RBMS3: variants seen among roughly 807,000 people sequenced by gnomAD.
The protein encoded by RBMS3 is RNA-binding motif, single-stranded-interacting protein 3.
In RBMS3, 27 loss-of-function variants were observed where a neutral mutation model predicts 66.8. The ratio of observed to expected loss-of-function variants is 0.40; its 90% CI spans 0.30 to 0.56. The LOEUF (loss-of-function observed/expected upper bound fraction) is 0.56. RBMS3 is among the 20% of genes least tolerant of loss of function. The pLI is 0.40. For missense variants in RBMS3, 513 were observed against 549.5 expected, an observed-to-expected ratio of 0.93 and a Z score of 0.66; for synonymous variants, 188 against 183.0, an observed-to-expected ratio of 1.03 and a Z score of -0.22.
intron 1 of RBMS3, among the ~76,000 whole-genome samples, chr3:29,393,085 T>G (rs1289316888): frequency 2.0e-5 from 3 of 152,196 alleles, no homozygotes; most frequent in African/African-American, 7.2e-5. Flanking sequence ...AAAACTACAC[T>G]GCAAAGTACC....
At chr3:29,942,200 T>C (rs919260803) in intron 11 of RBMS3, among the ~76,000 whole-genome samples, 1 of 151,568 alleles carries the variant, frequency 6.6e-6, no homozygotes, top group Non-Finnish European at 1.5e-5. Context: ...TGGGAAAAAG[T>C]TTATTTATAA....
chr3:29,736,511 C>G (rs190410523), intron 4 of RBMS3, among the ~76,000 whole-genome samples: 72 of 152,110 alleles, frequency 4.7e-4, no homozygotes, highest in African/African-American at 1.5e-3. Flanking sequence ...TGTACAGTAC[C>G]CTGAGACAAT....
chr3:29,627,288 C>CTCTCTCTCT (rs1296924512), intron 4 of RBMS3, among the ~76,000 whole-genome samples: 2 of 96,544 alleles, frequency 2.1e-5, no homozygotes, highest in African/African-American at 4.1e-5. Flanking sequence ...TCTCTCTCTT[C>CTCTCTCTCT]TCTCTCTCTC....
At chr3:29,293,741 C>T (rs1319403009) in intron 1 of RBMS3, among the ~76,000 whole-genome samples, 1 of 151,438 alleles carries the variant, frequency 6.6e-6, no homozygotes, top group Non-Finnish European at 1.5e-5. Flanking sequence ...GTAGCTTCTA[C>T]TCCTGTAGCC....
intron 3 of RBMS3, among the ~76,000 whole-genome samples, chr3:29,552,507 C>T (rs1025859988): frequency 7.2e-5 from 11 of 152,016 alleles, no homozygotes; most frequent in African/African-American, 9.7e-5. Context: ...TCAGAGGAAG[C>T]GTTATATTTC....
chr3:29,932,030 A>T (rs555538753), intron 10 of RBMS3, among the ~76,000 whole-genome samples: 1 of 152,158 alleles, frequency 6.6e-6, no homozygotes. Context: ...CACTTATCCA[A>T]ATAATTTTAT....
chr3:29,459,913 C>T (rs1310433985), intron 2 of RBMS3, among the ~76,000 whole-genome samples: 1 of 152,160 alleles, frequency 6.6e-6, no homozygotes, highest in Non-Finnish European at 1.5e-5. Flanking sequence ...AAACAATTTG[C>T]TAAAGCTTGA....
chr3:29,922,450 G>A (rs1559802889), intron 10 of RBMS3, among the ~76,000 whole-genome samples: 1 of 143,460 alleles, frequency 7.0e-6, no homozygotes, highest in East Asian at 2.0e-4. Flanking sequence ...TTGCGCCACT[G>A]CAGTCCGCAG....
At chr3:29,312,072 G>A (rs1050387609) in intron 1 of RBMS3, among the ~76,000 whole-genome samples, 6 of 151,740 alleles carry the variant, frequency 4.0e-5, no homozygotes, top group Admixed American at 1.3e-4. Flanking sequence ...GAGGCCTAAC[G>A]CTGGTTAGTA....
intron 10 of RBMS3, among the ~76,000 whole-genome samples, chr3:29,928,281 G>A (rs1312027852): frequency 1.4e-5 from 2 of 145,506 alleles, no homozygotes; most frequent in Non-Finnish European, 3.0e-5. Context: ...TTTTAAGGTA[G>A]AAAAAATTAG....
intron 1 of RBMS3, among the ~76,000 whole-genome samples, chr3:29,358,773 G>C (rs1362578435): frequency 6.6e-6 from 1 of 152,106 alleles, no homozygotes; most frequent in Non-Finnish European, 1.5e-5. Flanking sequence ...TCCCTTGTAA[G>C]TTGGAATCCT....
chr3:29,338,124 T>C (rs2036061356), intron 1 of RBMS3, among the ~76,000 whole-genome samples: 1 of 152,146 alleles, frequency 6.6e-6, no homozygotes, highest in African/African-American at 2.4e-5. Flanking sequence ...CCATGATCTG[T>C]GCTGTTTCTT....
chr3:29,312,034 G>A (rs1343666989), intron 1 of RBMS3, among the ~76,000 whole-genome samples: 1 of 151,750 alleles, frequency 6.6e-6, no homozygotes, highest in Non-Finnish European at 1.5e-5. Context: ...AGTCAGTTTC[G>A]TTTCCCATAG....
At chr3:29,787,361 C>T (rs1425704378) in intron 6 of RBMS3, among the ~76,000 whole-genome samples, 4 of 151,942 alleles carry the variant, frequency 2.6e-5, no homozygotes, top group Admixed American at 2.6e-4. Flanking sequence ...GAAGTCATTA[C>T]ACAAAAAAAA....
At chr3:29,380,103 T>A (rs2038688726) in intron 1 of RBMS3, among the ~76,000 whole-genome samples, 1 of 151,886 alleles carries the variant, frequency 6.6e-6, no homozygotes, top group Non-Finnish European at 1.5e-5. Context: ...ATTTGTGGCT[T>A]TTATGAAGCT....
chr3:29,531,279 C>G (rs1339352351), intron 3 of RBMS3, among the ~76,000 whole-genome samples: 1 of 152,206 alleles, frequency 6.6e-6, no homozygotes, highest in Non-Finnish European at 1.5e-5. Context: ...TCAGAATCTG[C>G]ATTTTAACAA....
intron 12 of RBMS3, among the ~76,000 whole-genome samples, chr3:29,948,270 T>G (rs1695450831): frequency 6.6e-6 from 1 of 151,804 alleles, no homozygotes; most frequent in African/African-American, 2.4e-5. Context: ...CAAAATTCAC[T>G]GTTATAAACA....
At chr3:29,614,509 T>C (rs1321698316) in intron 4 of RBMS3, 6 of 152,164 alleles carry the variant, frequency 3.9e-5, no homozygotes, top group Non-Finnish European at 1.5e-5. Flanking sequence ...AATGCATATA[T>C]TAATTAGCTT....
At chr3:29,590,124 A>G (rs1229775372) in intron 4 of RBMS3, among the ~76,000 whole-genome samples, 1 of 150,866 alleles carries the variant, frequency 6.6e-6, no homozygotes, top group African/African-American at 2.4e-5. Context: ...TGTTTCTTTT[A>G]GGAAATCAGA....
Sources: allele counts gnomAD v4.1 joint callset (sites outside exome capture counted in the v4.1 genomes callset), GRCh38; gene constraint gnomAD v4.1.1; transcripts MANE v1.5; gene names NCBI Gene and HGNC (gene_info 2026-07-23, HGNC 2026-07-21).